ZSCAN4: variants seen among roughly 807,000 people sequenced by gnomAD.
The protein encoded by ZSCAN4 is zinc finger and SCAN domain-containing protein 4.
Under a neutral mutation model 18.3 loss-of-function variants are expected in ZSCAN4, and 18 were observed. The ratio of observed to expected loss-of-function variants is 0.98; its 90% CI spans 0.68 to 1.46. ZSCAN4 has a LOEUF of 1.46. ZSCAN4 is among the 40% of genes most tolerant of loss of function. ZSCAN4 has a pLI of 0.00. For synonymous variants in ZSCAN4, 193 were observed against 180.3 expected (o/e 1.07, Z -0.57); for missense variants, 498 against 511.4 (o/e 0.97, Z 0.25).
chr19:57,676,159 T>C (rs1344967002), exon 3 of ZSCAN4: 1 of 1,610,260 alleles, frequency 6.2e-7, no homozygotes, highest in African/African-American at 1.3e-5. Context: ...GCTTTAGATC[T>C]AAGAACCATA....
At chr19:57,666,776 T>C (rs1983860946), upstream of ZSCAN4, among the ~76,000 whole-genome samples, 1 of 152,016 alleles carries the variant, frequency 6.6e-6, no homozygotes, top group Non-Finnish European at 1.5e-5. Flanking sequence ...ACAGCTACTC[T>C]GGGTGCGGAA....
At chr19:57,657,916 T>C in the ZSCAN4 span, among the ~76,000 whole-genome samples, 1 of 152,208 alleles carries the variant, frequency 6.6e-6, no homozygotes, top group East Asian at 1.9e-4. Context: ...AATAGTTGTA[T>C]TGTTTAGGGA....
At chr19:57,651,666 G>A in the ZSCAN4 span, among the ~76,000 whole-genome samples, 2 of 152,302 alleles carry the variant, frequency 1.3e-5, no homozygotes, top group Admixed American at 6.5e-5. Context: ...CCGGGACGAC[G>A]CTTGGGTTCA....
chr19:57,673,021 G>A (rs1271286035), intron 2 of ZSCAN4, among the ~76,000 whole-genome samples: 7 of 151,972 alleles, frequency 4.6e-5, no homozygotes, highest in Non-Finnish European at 8.8e-5. Context: ...AGCCTGAGAA[G>A]GACATGGTGA....
chr19:57,657,320 G>T, the ZSCAN4 span, among the ~76,000 whole-genome samples: 2 of 148,588 alleles, frequency 1.3e-5, no homozygotes, highest in African/African-American at 4.9e-5. Flanking sequence ...CAAAATATTT[G>T]AACACATTTT....
the ZSCAN4 span, among the ~76,000 whole-genome samples, chr19:57,657,102 C>T: frequency 1.2e-4 from 18 of 151,986 alleles, no homozygotes; most frequent in African/African-American, 4.3e-4. Context: ...AAAAATTATC[C>T]GGGAGTGTCC....
upstream of ZSCAN4, among the ~76,000 whole-genome samples, chr19:57,668,117 T>C (rs1983908674): frequency 1.3e-5 from 2 of 152,050 alleles, no homozygotes; most frequent in Admixed American, 1.3e-4. Flanking sequence ...TTGGCCAGGC[T>C]GGTCTCAAAC....
At chr19:57,678,952 T>A in exon 5 of ZSCAN4, 1 of 1,510,418 alleles carries the variant, frequency 6.6e-7, no homozygotes, top group Non-Finnish European at 8.8e-7. Flanking sequence ...AGTATGTATA[T>A]TCCTATAGTA....
At chr19:57,651,804 CCTT>C in the ZSCAN4 span, among the ~76,000 whole-genome samples, 3 of 152,150 alleles carry the variant, frequency 2.0e-5, no homozygotes, top group African/African-American at 7.2e-5. Flanking sequence ...CCTTTTCTCT[CCTT>C]CTTCCACTAG....
the ZSCAN4 span, among the ~76,000 whole-genome samples, chr19:57,659,900 A>G: frequency 1.3e-5 from 2 of 152,174 alleles, no homozygotes; most frequent in Non-Finnish European, 2.9e-5. Context: ...CCTATTAGAT[A>G]TCTTTATGAT....
chr19:57,663,216 C>G, the ZSCAN4 span, among the ~76,000 whole-genome samples: 1 of 150,896 alleles, frequency 6.6e-6, no homozygotes, highest in South Asian at 2.1e-4. Flanking sequence ...TTATTCTTCA[C>G]TTTGAATCCC....
the ZSCAN4 span, among the ~76,000 whole-genome samples, chr19:57,653,894 G>C: frequency 6.6e-6 from 1 of 152,122 alleles, no homozygotes; most frequent in Admixed American, 6.6e-5. Context: ...CATCCTGCTT[G>C]ACCACCTCTA....
At chr19:57,663,380 C>CT in the ZSCAN4 span, among the ~76,000 whole-genome samples, 1 of 150,830 alleles carries the variant, frequency 6.6e-6, no homozygotes, top group Admixed American at 6.6e-5. Context: ...AATGGTAGAC[C>CT]TTTATGTCAG....
chr19:57,663,570 G>A, the ZSCAN4 span, among the ~76,000 whole-genome samples: 1 of 141,372 alleles, frequency 7.1e-6, no homozygotes, highest in Non-Finnish European at 1.5e-5. Context: ...GGTATCATGA[G>A]CCTGTAATCC....
the ZSCAN4 span, among the ~76,000 whole-genome samples, chr19:57,656,984 A>C: frequency 6.6e-6 from 1 of 151,298 alleles, no homozygotes; most frequent in African/African-American, 2.4e-5. Flanking sequence ...GAGATATCAT[A>C]GCTGTAATTC....
chr19:57,667,791 G>A (rs1203333935), upstream of ZSCAN4, among the ~76,000 whole-genome samples: 2 of 152,146 alleles, frequency 1.3e-5, no homozygotes, highest in African/African-American at 4.8e-5. Flanking sequence ...CCTTGAGACT[G>A]CAGAAGCAGA....
intron 2 of ZSCAN4, among the ~76,000 whole-genome samples, chr19:57,675,141 CTTTTTT>C (rs1171741360): frequency 5.1e-5 from 4 of 78,074 alleles, no homozygotes; most frequent in Non-Finnish European, 6.9e-5. Flanking sequence ...GTGCGTGTGG[CTTTTTT>C]TTTTTTTTTT....
chr19:57,663,942 C>T (rs1293862136), upstream of ZSCAN4, among the ~76,000 whole-genome samples: 5 of 152,068 alleles, frequency 3.3e-5, no homozygotes, highest in East Asian at 7.7e-4. Flanking sequence ...GCCTGACCAA[C>T]ATGGTGAAAC....
At chr19:57,662,740 T>C in the ZSCAN4 span, among the ~76,000 whole-genome samples, 1 of 152,134 alleles carries the variant, frequency 6.6e-6, no homozygotes, top group South Asian at 2.1e-4. Context: ...TTCGTATTTT[T>C]AATAGAGATG....
Sources: allele counts gnomAD v4.1 joint callset (sites outside exome capture counted in the v4.1 genomes callset), GRCh38; gene constraint gnomAD v4.1.1; transcripts MANE v1.5; gene names NCBI Gene and HGNC (gene_info 2026-07-23, HGNC 2026-07-21).